The following MAPK10 variants were observed in gnomAD, a reference collection of about 807,000 sequenced individuals.
MAPK10 encodes mitogen-activated protein kinase 10, also known as JNK3 alpha protein kinase.
MAPK10 carries 25 observed loss-of-function variants against 59.3 expected under a neutral mutation model. That is an observed-to-expected ratio of 0.42 (90% CI 0.31 to 0.59). The LOEUF (loss-of-function observed/expected upper bound fraction) is 0.59. Among genes scored for constraint, MAPK10 ranks in the 20% least tolerant of loss-of-function variants. MAPK10 has a pLI of 0.15. For missense variants in MAPK10, 351 were observed against 568.9 expected (o/e 0.62, Z 3.90); for synonymous variants, 190 against 200.5 (o/e 0.95, Z 0.44).
intron 11 of MAPK10, among the ~76,000 whole-genome samples, chr4:86,047,534 T>C (rs1229963809): frequency 6.6e-6 from 1 of 152,150 alleles, no homozygotes; most frequent in East Asian, 1.9e-4. Flanking sequence ...CAAACTGCAG[T>C]CATGAAAACA....
chr4:86,556,090 C>T (rs532203815), intron 1 of MAPK10, among the ~76,000 whole-genome samples: 1 of 152,320 alleles, frequency 6.6e-6, no homozygotes, highest in East Asian at 1.9e-4. Flanking sequence ...TGACCAAACA[C>T]CTCCTGTGCC....
intron 1 of MAPK10, among the ~76,000 whole-genome samples, chr4:86,405,225 T>C (rs1744221494): frequency 6.6e-6 from 1 of 152,194 alleles, no homozygotes; most frequent in Admixed American, 6.6e-5. Context: ...TTGAGCTCAA[T>C]AATCATGATA....
chr4:86,292,798 A>G (rs890169340), intron 2 of MAPK10, among the ~76,000 whole-genome samples: 2 of 152,198 alleles, frequency 1.3e-5, no homozygotes, highest in African/African-American at 4.8e-5. Context: ...AGCTTTGGCC[A>G]AGGAGATGAT....
chr4:86,575,893 A>C (rs1395100723), intron 1 of MAPK10, among the ~76,000 whole-genome samples: 1 of 151,942 alleles, frequency 6.6e-6, no homozygotes, highest in Non-Finnish European at 1.5e-5. Flanking sequence ...AACAATAAAC[A>C]GAAAAAAATA....
chr4:86,358,089 G>C, intron 1 of MAPK10: 4 of 985,372 alleles, frequency 4.1e-6, no homozygotes, highest in Middle Eastern at 5.2e-4. Flanking sequence ...ACCAGAGGCA[G>C]CCAAACCGCT....
intron 11 of MAPK10, among the ~76,000 whole-genome samples, chr4:86,050,562 C>A (rs753522196): frequency 6.6e-6 from 1 of 152,050 alleles, no homozygotes; most frequent in Non-Finnish European, 1.5e-5. Flanking sequence ...CAGTCCTTTG[C>A]TTTGGGAAAG....
intron 3 of MAPK10, 162 bp downstream of exon 3, chr4:86,194,174 C>T (rs1471388207): frequency 3.2e-6 from 2 of 622,204 alleles, no homozygotes; most frequent in Non-Finnish European, 5.7e-6. Flanking sequence ...GAGCTGGAGA[C>T]TGGGGCTGTT....
At chr4:86,240,819 G>A (rs554759846) in intron 2 of MAPK10, among the ~76,000 whole-genome samples, 2 of 151,990 alleles carry the variant, frequency 1.3e-5, no homozygotes, top group African/African-American at 4.8e-5. Flanking sequence ...CTTTTAATTG[G>A]GGCATTTAGC....
At chr4:86,052,228 A>T (rs1461537512) in intron 11 of MAPK10, among the ~76,000 whole-genome samples, 1 of 152,214 alleles carries the variant, frequency 6.6e-6, no homozygotes, top group African/African-American at 2.4e-5. Flanking sequence ...TTTTAAAATT[A>T]CCCGAAGACA....
intron 2 of MAPK10, among the ~76,000 whole-genome samples, chr4:86,307,622 A>C (rs2095593931): frequency 1.3e-5 from 2 of 152,196 alleles, no homozygotes; most frequent in African/African-American, 4.8e-5. Flanking sequence ...GGAAAGAAAT[A>C]GCTTTAAAAG....
chr4:86,350,529 A>C (rs896979280), intron 2 of MAPK10, among the ~76,000 whole-genome samples: 2 of 151,970 alleles, frequency 1.3e-5, no homozygotes, highest in Non-Finnish European at 2.9e-5. Flanking sequence ...TTGTATTTTT[A>C]GTAGAGACAG....
Position 86,462,720 on chromosome 4 carries a change from A to G in MAPK10, c.-262-108076T>C, listed in dbSNP as rs148505650. On this transcript the variant is annotated intron_variant, in intron 1 of 4. Transcript: ENST00000502302. ...CCAATTATAACTTCTGTACCTATAA[A>G]TTTATGGGGAAGAGATTTATTACAA... Among the ~76,000 whole-genome samples, 448 of 152,300 alleles carry G rather than the reference A, an allele frequency of 2.9e-3. 4 individuals are homozygous for G. The highest frequency in any genetic ancestry group is 0.01 in the African/African-American group (429 of 41,556).
intron 1 of MAPK10, among the ~76,000 whole-genome samples, chr4:86,544,642 A>T (rs1758999587): frequency 1.3e-5 from 2 of 152,232 alleles, no homozygotes; most frequent in African/African-American, 4.8e-5. Context: ...AGTCACTTTG[A>T]GAGAAGTATA....
At chr4:86,499,997 T>C (rs139606396) in intron 1 of MAPK10, among the ~76,000 whole-genome samples, 4 of 152,316 alleles carry the variant, frequency 2.6e-5, no homozygotes, top group Admixed American at 6.5e-5. Context: ...GATACCACTT[T>C]AGAGCTACCA....
intron 2 of MAPK10, among the ~76,000 whole-genome samples, chr4:86,210,585 C>T (rs2085487901): frequency 6.6e-6 from 1 of 151,840 alleles, no homozygotes; most frequent in East Asian, 1.9e-4. Context: ...GATTTGTATG[C>T]ATTGCATGCC....
chr4:86,555,456 G>A (rs113463196), intron 1 of MAPK10, among the ~76,000 whole-genome samples: 7,132 of 152,246 alleles, frequency 0.047, 221 homozygotes, highest in African/African-American at 0.059. Flanking sequence ...CAAAAAAAAG[G>A]AAAGTAGGGA....
chr4:86,352,770 C>T (rs1009239927), intron 2 of MAPK10, among the ~76,000 whole-genome samples: 3 of 152,188 alleles, frequency 2.0e-5, no homozygotes, highest in Non-Finnish European at 2.9e-5. Context: ...CTCTTCTATG[C>T]GTATGGTATA....
chr4:86,551,882 G>A (rs1329583912), intron 1 of MAPK10, among the ~76,000 whole-genome samples: 1 of 152,140 alleles, frequency 6.6e-6, no homozygotes, highest in Non-Finnish European at 1.5e-5. Context: ...TGGGATTACA[G>A]GCGTAAGCCA....
At chr4:86,448,456 T>C (rs528104455) in intron 1 of MAPK10, among the ~76,000 whole-genome samples, 2 of 152,060 alleles carry the variant, frequency 1.3e-5, no homozygotes, top group African/African-American at 2.4e-5. Flanking sequence ...AGTTTTGTAA[T>C]AGTAAGACTT....
Sources: gnomAD v4.1 joint callset for allele counts (sites outside exome capture counted in the v4.1 genomes callset) on GRCh38, gnomAD v4.1.1 for gene constraint, MANE v1.5 for transcripts, NCBI Gene and HGNC (gene_info 2026-07-23, HGNC 2026-07-21) for gene names.